Variants in SLCO3A1 observed in about 807,000 individuals in gnomAD.
SLCO3A1 encodes the protein PGE1 transporter.
SLCO3A1 carries 27 observed loss-of-function variants against 63.1 expected under a neutral mutation model. That is an observed-to-expected ratio of 0.43 (90% CI 0.32 to 0.59). The LOEUF (loss-of-function observed/expected upper bound fraction) is 0.59, where lower values mean the gene tolerates loss of function less well. SLCO3A1 is among the 20% of genes least tolerant of loss of function. The pLI is 0.09. For missense variants in SLCO3A1, 773 were observed against 945.8 expected (o/e 0.82, Z 2.40); for synonymous variants, 473 against 409.9 (o/e 1.15, Z -1.86).
At chr15:91,891,984 A>G (rs1346903868) in intron 1 of SLCO3A1, among the ~76,000 whole-genome samples, 1 of 152,214 alleles carries the variant, frequency 6.6e-6, no homozygotes, top group African/African-American at 2.4e-5. Flanking sequence ...CTTGGGCCAT[A>G]GTATGTGGAC....
At chr15:91,915,732 A>T (rs1898632949) in intron 1 of SLCO3A1, among the ~76,000 whole-genome samples, 1 of 152,120 alleles carries the variant, frequency 6.6e-6, no homozygotes, top group Non-Finnish European at 1.5e-5. Context: ...AGCTTTCAGG[A>T]TGGAAACAGG....
chr15:91,928,447 G>A (rs572914523), intron 2 of SLCO3A1, among the ~76,000 whole-genome samples: 3 of 152,252 alleles, frequency 2.0e-5, no homozygotes, highest in East Asian at 1.9e-4. Context: ...GCTACAGTCC[G>A]GTCTGGTCTC....
rs190258629 is a variant in SLCO3A1, at chr15:91,954,859, T to C, written c.646+38401T>C. Among the ~76,000 whole-genome samples the C allele has an allele frequency of 2.0e-5, 3 of 152,170 alleles. No individual in the cohort carries two copies. In the East Asian group the frequency reaches 5.8e-4, roughly 29 times the overall value. Reference sequence around the variant, plus strand: ...CCGCCCCCCGTGGTCTCCCGCTGCTTTCTGCCACTGCCCAAGGGCTGGACA... The same window carrying C: ...CCGCCCCCCGTGGTCTCCCGCTGCTCTCTGCCACTGCCCAAGGGCTGGACA... On this transcript the variant is annotated intron_variant, in intron 2 of 9. Coordinates refer to ENST00000318445, the MANE Select transcript of SLCO3A1 (RefSeq NM_013272.4). The surrounding 1 kb of genome is among the most constrained non-coding windows in gnomAD (Gnocchi z 4.7).
intron 1 of SLCO3A1, among the ~76,000 whole-genome samples, chr15:91,873,886 T>A (rs1897335915): frequency 6.6e-6 from 1 of 152,218 alleles, no homozygotes; most frequent in South Asian, 2.1e-4. Flanking sequence ...ATTTCATTTG[T>A]TCTATGATTT....
rs188960438 is a variant in SLCO3A1 at position 91,872,459 on chromosome 15, G to A, written c.180+18371G>A. Among the ~76,000 whole-genome samples, 264 of 152,074 alleles carry A rather than the reference G, an allele frequency of 1.7e-3. 1 individual carries two copies. Among genetic ancestry groups the A allele is most frequent in the Admixed American group, 4.6e-3 (70 of 15,292 alleles). On this transcript the variant is annotated intron_variant, in intron 1 of 9. Coordinates refer to ENST00000318445, the MANE Select transcript of SLCO3A1 (RefSeq NM_013272.4). The surrounding 1 kb of genome is among the most constrained non-coding windows in gnomAD (Gnocchi z 4.1). The stretch of plus-strand genomic sequence containing the variant: ...AGGTAGGAGAATCACTTGAACCCGG[G>A]AGGCGGATAGGTTGCAGTGAGCCGA...
chr15:91,918,920 G>A (rs1898750175), intron 2 of SLCO3A1, among the ~76,000 whole-genome samples: 1 of 152,190 alleles, frequency 6.6e-6, no homozygotes, highest in Non-Finnish European at 1.5e-5. Context: ...GTCTAGAGAG[G>A]GGCCCACAAC....
intron 3 of SLCO3A1, among the ~76,000 whole-genome samples, chr15:92,100,828 G>A (rs1233821673): frequency 6.6e-6 from 1 of 152,196 alleles, no homozygotes; most frequent in East Asian, 1.9e-4. Context: ...GCTACATCCA[G>A]TGTAGGTCAA....
At chr15:92,096,377 A>G (rs986129896) in intron 3 of SLCO3A1, among the ~76,000 whole-genome samples, 3 of 152,244 alleles carry the variant, frequency 2.0e-5, no homozygotes, top group Admixed American at 1.3e-4. Context: ...GTTCAGGTTT[A>G]CTATGGAAAG....
Position 92,163,311 on chromosome 15 carries a change from G to A in SLCO3A1, c.*176G>A. Reference sequence around the variant, plus strand: ...TTTTTCTCAGCATCAGAGCCAGACAGGATTCAGAATAAGGAGAGAATGACA... The same window carrying A: ...TTTTTCTCAGCATCAGAGCCAGACAAGATTCAGAATAAGGAGAGAATGACA... On this transcript the variant is annotated 3_prime_UTR_variant, in exon 10 of 10. Coordinates refer to ENST00000318445, the MANE Select transcript of SLCO3A1 (RefSeq NM_013272.4). 3 of 1,272,334 alleles carry A rather than the reference G, an allele frequency of 2.4e-6. No homozygotes were observed. Among genetic ancestry groups the A allele is most frequent in the Non-Finnish European group, 3.0e-6 (3 of 1,013,000 alleles). 78.8% of individuals were successfully genotyped at this position (1,272,334 alleles called of 1,614,324 possible). A position where few individuals can be genotyped will look rare whatever the true frequency, so the allele number is the denominator to read the frequency against.
At chr15:91,870,290 A>G (rs576783056) in intron 1 of SLCO3A1, among the ~76,000 whole-genome samples, 2 of 152,366 alleles carry the variant, frequency 1.3e-5, no homozygotes, top group African/African-American at 2.4e-5. Context: ...TAAAAATAGC[A>G]GTAAGTTTAA....
chr15:92,125,248 G>T (rs944190332), intron 5 of SLCO3A1, among the ~76,000 whole-genome samples: 2 of 152,142 alleles, frequency 1.3e-5, no homozygotes, highest in African/African-American at 4.8e-5. Flanking sequence ...CATCTACATG[G>T]TAGATAAATG....
At chr15:91,891,836 C>G (rs1436982521) in intron 1 of SLCO3A1, among the ~76,000 whole-genome samples, 4 of 152,218 alleles carry the variant, frequency 2.6e-5, no homozygotes, top group Non-Finnish European at 2.9e-5. Flanking sequence ...GTAAATATTT[C>G]AGGCTTTGCA....
intron 2 of SLCO3A1, among the ~76,000 whole-genome samples, chr15:92,013,709 A>G (rs1474490421): frequency 6.6e-6 from 1 of 152,216 alleles, no homozygotes; most frequent in Non-Finnish European, 1.5e-5. Context: ...TCATAAAATC[A>G]TGGCATCTAA....
At chr15:92,034,423 G>A (rs539584085) in intron 2 of SLCO3A1, among the ~76,000 whole-genome samples, 1 of 151,622 alleles carries the variant, frequency 6.6e-6, no homozygotes, top group East Asian at 1.9e-4. Flanking sequence ...GAGTGTGCCT[G>A]GAAGTCGGGG....
At position 91,900,938 on chromosome 15, in the gene SLCO3A1, T is replaced by C. The variant is rs1898138387; in HGVS notation, c.181-15055T>C. 6.6e-6 allele frequency among the ~76,000 whole-genome samples: 1 copy of C among 152,228 alleles called. No homozygotes were observed. Among genetic ancestry groups the C allele is most frequent in the African/African-American group, 2.4e-5 (1 of 41,470 alleles). On this transcript the variant is annotated intron_variant, in intron 1 of 9. Coordinates refer to ENST00000318445, the MANE Select transcript of SLCO3A1 (RefSeq NM_013272.4). This position sits in a 1 kb window ranked among gnomAD's most constrained non-coding sequence, Gnocchi z 4.3. ...GGGATATTAACTTCTCCAAATATTA[T>C]TGTTGTATTGTTTATTTCGCCTTTC...
chr15:91,944,916 C>T (rs1037058025), intron 2 of SLCO3A1, among the ~76,000 whole-genome samples: 16 of 152,070 alleles, frequency 1.1e-4, no homozygotes, highest in Non-Finnish European at 2.1e-4. Flanking sequence ...TCCTCTGCCA[C>T]GCCCAAATTT....
At chr15:91,927,263 G>T (rs1309846764) in intron 2 of SLCO3A1, among the ~76,000 whole-genome samples, 6 of 151,818 alleles carry the variant, frequency 4.0e-5, no homozygotes, top group Admixed American at 2.0e-4. Context: ...TTCTGTGCTG[G>T]TTTGAACTGA....
chr15:91,925,475 GTT>G (rs76218578), intron 2 of SLCO3A1, among the ~76,000 whole-genome samples: 23 of 127,254 alleles, frequency 1.8e-4, no homozygotes, highest in Admixed American at 3.9e-4. Context: ...CCAGTACCTT[GTT>G]TTTTTTTTTT....
At chr15:92,104,138 G>A (rs75403338) in intron 3 of SLCO3A1, 141 bp from the exon 4 acceptor site, 27,839 of 937,516 alleles carry the variant, frequency 0.03, 523 homozygotes, top group Admixed American at 0.044. Context: ...AATAGGCTTC[G>A]TAGCCTGGCA....
Sources: allele counts gnomAD v4.1 joint callset (sites outside exome capture counted in the v4.1 genomes callset), GRCh38; gene constraint gnomAD v4.1.1; non-coding constraint Gnocchi (gnomAD v3.1); transcripts MANE v1.5; gene names NCBI Gene and HGNC (gene_info 2026-07-23, HGNC 2026-07-21).